TRAK2: variants seen among roughly 807,000 people sequenced by gnomAD.
The protein encoded by TRAK2 is trafficking kinesin-binding protein 2.
In TRAK2, 81 loss-of-function variants were observed where a neutral mutation model predicts 104.6. The observed-to-expected ratio is 0.77, with a 90% confidence interval of 0.65 to 0.93. TRAK2 has a LOEUF of 0.93. TRAK2 is among the 40% of genes least tolerant of loss of function. The probability of loss-of-function intolerance (pLI) is 0.00; values close to 1 mark genes in which losing one functional copy is unlikely to be tolerated. For missense variants in TRAK2, 1,002 were observed against 1,089.0 expected (o/e 0.92, Z 1.12); for synonymous variants, 406 against 394.4 (o/e 1.03, Z -0.35).
At position 201,395,461 on chromosome 2, in the gene TRAK2, A is replaced by AT; in HGVS notation, c.770-18dup. On this transcript the variant is annotated splice_polypyrimidine_tract_variant and intron_variant, in intron 7 of 15. Coordinates refer to ENST00000332624, the MANE Select transcript of TRAK2 (RefSeq NM_015049.3). ...TTGTTTCACCTTGGAAGCAAAAAAA[A>AT]TTTTTTTAAATTAATACAAATGTAG... is the stretch of plus-strand genomic sequence containing the variant. 2.0e-6 allele frequency: 3 copies of AT among 1,499,060 alleles called. No individual in the cohort carries two copies. Among genetic ancestry groups the AT allele is most frequent in the Admixed American group, 4.0e-5 (2 of 50,254 alleles). The allele number at this position is 1,499,060 out of a possible 1,614,324, so 92.9% of individuals were successfully genotyped here.
rs1215729607 is a variant in TRAK2 at position 201,384,112 on chromosome 2, T to TGG, written c.2066_2067dup (p.Ser690ProfsTer22). 10 of 1,603,872 alleles carry TGG rather than the reference T, an allele frequency of 6.2e-6. No homozygotes were observed. Among genetic ancestry groups the TGG allele is most frequent in the African/African-American group, 1.3e-5 (1 of 74,452 alleles). On this transcript the variant is annotated frameshift_variant and splice_region_variant, in exon 15 of 16. Transcript: ENST00000332624. LOFTEE classifies it high-confidence loss of function. ...CCCAGATTTCCCAGGCACTCTTACC[T>TGG]GGGGGTAACCTGAGTGATGTCAGAG...
At chr2:201,428,950 C>G (rs1208050947) in intron 1 of TRAK2, among the ~76,000 whole-genome samples, 1 of 152,156 alleles carries the variant, frequency 6.6e-6, no homozygotes, top group African/African-American at 2.4e-5. Context: ...GGAGTTCACT[C>G]ATGATTTGGT....
intron 1 of TRAK2, among the ~76,000 whole-genome samples, chr2:201,435,048 T>C (rs1951871208): frequency 1.3e-5 from 2 of 152,016 alleles, no homozygotes; most frequent in Admixed American, 1.3e-4. Flanking sequence ...CATAAGGCAT[T>C]CTTGATTTCT....
At chr2:201,417,345 A>G (rs1271324250) in intron 2 of TRAK2, among the ~76,000 whole-genome samples, 2 of 151,678 alleles carry the variant, frequency 1.3e-5, no homozygotes, top group East Asian at 3.8e-4. Context: ...ATATACACAC[A>G]CTCCCTAACA....
chr2:201,410,955 T>C, intron 2 of TRAK2: 1 of 1,562,710 alleles, frequency 6.4e-7, no homozygotes, highest in Admixed American at 1.7e-5. Flanking sequence ...ACTGTAGAAG[T>C]TCTGGTTTGT....
At chr2:201,397,187 T>A (rs1951509945) in intron 7 of TRAK2, among the ~76,000 whole-genome samples, 1 of 152,232 alleles carries the variant, frequency 6.6e-6, no homozygotes, top group South Asian at 2.1e-4. Context: ...TGGCATATCA[T>A]CTTCCTCTAC....
chr2:201,406,885 T>C lies in TRAK2; in HGVS notation c.286+518A>G, dbSNP rs543455114. On this transcript the variant is annotated intron_variant, in intron 3 of 15. Transcript: ENST00000332624. The stretch of plus-strand genomic sequence containing the variant: ...AACAAATCTGGCTCAGTCTCTCACT[T>C]AGGAATCCTTAAATAATGAAGATTA... Among the ~76,000 whole-genome samples, 6 of 152,320 alleles carry C rather than the reference T, an allele frequency of 3.9e-5. No homozygotes were observed. In the South Asian group the frequency reaches 1.0e-3, roughly 26 times the overall value.
At chr2:201,419,666 C>T (rs1245694541) in intron 2 of TRAK2, among the ~76,000 whole-genome samples, 2 of 152,100 alleles carry the variant, frequency 1.3e-5, no homozygotes, top group Non-Finnish European at 2.9e-5. Context: ...TGTCAAAACT[C>T]GAACTGTATA....
chr2:201,396,679 A>C (rs7597850), intron 7 of TRAK2, among the ~76,000 whole-genome samples: 2 of 151,928 alleles, frequency 1.3e-5, no homozygotes, highest in Non-Finnish European at 2.9e-5. Flanking sequence ...GAACACAAGT[A>C]CTGCAATATT....
In TRAK2 at chr2:201,397,484, G is replaced by T. The variant is rs761528756; in HGVS notation, c.769+18C>A. On this transcript the variant is annotated intron_variant, in intron 7 of 15. Transcript: ENST00000332624. ...GAATTGTCCAAAAAGGTACAAAAGA[G>T]AATATGTTAATACTCACGAAGTTCT... 12 of 1,590,856 alleles carry T rather than the reference G, an allele frequency of 7.5e-6. No individual in the cohort carries two copies. In the East Asian group the frequency reaches 2.0e-4, roughly 27 times the overall value.
At chr2:201,394,944 C>A in intron 8 of TRAK2, 72 bp from the exon 9 acceptor site, 1 of 1,307,650 alleles carries the variant, frequency 7.6e-7, no homozygotes. Context: ...CTTATAAAGA[C>A]ATGTGAAGAA....
chr2:201,404,652 G>T (rs1259453836), intron 3 of TRAK2, among the ~76,000 whole-genome samples: 2 of 152,198 alleles, frequency 1.3e-5, no homozygotes, highest in East Asian at 3.8e-4. Flanking sequence ...ATGAGATGGT[G>T]CTTGATAGTT....
intron 3 of TRAK2, among the ~76,000 whole-genome samples, chr2:201,405,424 G>T (rs1174510166): frequency 6.6e-6 from 1 of 152,160 alleles, no homozygotes; most frequent in Admixed American, 6.5e-5. Context: ...GCAATGCTTT[G>T]TATCAGTGGT....
intron 1 of TRAK2, among the ~76,000 whole-genome samples, chr2:201,444,298 A>G (rs1302904123): frequency 6.6e-6 from 1 of 152,104 alleles, no homozygotes; most frequent in Non-Finnish European, 1.5e-5. Flanking sequence ...ACCTCTCATC[A>G]CAGTCTGTGA....
At chr2:201,383,582 C>T (rs1047609415) in intron 15 of TRAK2, among the ~76,000 whole-genome samples, 2 of 152,172 alleles carry the variant, frequency 1.3e-5, no homozygotes, top group African/African-American at 2.4e-5. Flanking sequence ...CCTAAGGACA[C>T]GTGTAGAATT....
In TRAK2 at chr2:201,440,971, C is replaced by T. The variant is rs572893191; in HGVS notation, c.-200+10379G>A. Among the ~76,000 whole-genome samples the T allele has an allele frequency of 2.0e-4, 31 of 152,282 alleles. No homozygotes were observed. In the South Asian group the frequency reaches 6.4e-3, roughly 32 times the overall value. On this transcript the variant is annotated intron_variant, in intron 1 of 15. Transcript: ENST00000332624. ...ACCTTATTTTTGTTATGTCCAAAAC[C>T]TAACAGCAACTGACACACAGTAGTC...
At chr2:201,416,655 G>A (rs1951694175) in intron 2 of TRAK2, among the ~76,000 whole-genome samples, 1 of 152,104 alleles carries the variant, frequency 6.6e-6, no homozygotes, top group South Asian at 2.1e-4. Context: ...TATAACATAT[G>A]TAGATGTAAA....
intron 2 of TRAK2, among the ~76,000 whole-genome samples, 167 bp from the exon 3 acceptor site, chr2:201,407,764 T>C (rs1262460770): frequency 6.6e-6 from 1 of 151,724 alleles, no homozygotes; most frequent in African/African-American, 2.4e-5. Flanking sequence ...GTATAGTTTT[T>C]TTTTCTCCAG....
intron 7 of TRAK2, 78 bp downstream of exon 7, chr2:201,397,424 T>G (rs1951511889): frequency 1.1e-6 from 1 of 931,764 alleles, no homozygotes; most frequent in Non-Finnish European, 1.7e-6. Context: ...CTGAAACCAG[T>G]GATCTAACTT....
Sources: gnomAD v4.1 joint callset for allele counts (sites outside exome capture counted in the v4.1 genomes callset) on GRCh38, gnomAD v4.1.1 for gene constraint, MANE v1.5 for transcripts, NCBI Gene and HGNC (gene_info 2026-07-23, HGNC 2026-07-21) for gene names.